The following FGF14 variants were observed in gnomAD, a reference collection of about 807,000 sequenced individuals.
FGF14 encodes the protein fibroblast growth factor 14, also known as fibroblast growth factor homologous factor 4.
FGF14 carries 5 observed loss-of-function variants against 25.5 expected under a neutral mutation model. The ratio of observed to expected loss-of-function variants is 0.20; its 90% confidence interval spans 0.10 to 0.41. The LOEUF is 0.41. FGF14 is among the 10% of genes least tolerant of loss of function. FGF14 has a pLI of 1.00. For missense variants in FGF14, 222 were observed against 320.1 expected (o/e 0.69, Z 2.34); for synonymous variants, 138 against 118.3 (o/e 1.17, Z -1.08).
At chr13:102,281,958 T>C (rs1461619963) in intron 1 of FGF14, among the ~76,000 whole-genome samples, 1 of 152,096 alleles carries the variant, frequency 6.6e-6, no homozygotes, top group African/African-American at 2.4e-5. Context: ...AAATCATATG[T>C]CCGTACTGCA....
chr13:102,223,816 T>C (rs2140966426), intron 1 of FGF14, among the ~76,000 whole-genome samples: 1 of 152,306 alleles, frequency 6.6e-6, no homozygotes, highest in Admixed American at 6.5e-5. Context: ...TGAGCTATTG[T>C]CATGCCACTG....
In FGF14 at chr13:102,140,055, C is replaced by A. The variant is rs558085366; in HGVS notation, c.208+261416G>T. On this transcript the variant is annotated intron_variant, in intron 1 of 4. Transcript: ENST00000376131. ...CAAACTCTTCAAGACCCCCCCCCCC[C>A]CTTACAGCAGTAAGTCATCCGTGTT... Among the ~76,000 whole-genome samples the A allele has an allele frequency of 4.1e-5, 6 of 146,102 alleles. No homozygotes were observed. The East Asian group carries it at 8.1e-4, about 20-fold the overall frequency.
At chr13:101,727,638 C>T (rs1362349495) in intron 3 of FGF14, among the ~76,000 whole-genome samples, 1 of 152,098 alleles carries the variant, frequency 6.6e-6, no homozygotes, top group East Asian at 1.9e-4. Context: ...TTTTTATATA[C>T]TTCTTACTTT....
intron 1 of FGF14, among the ~76,000 whole-genome samples, chr13:101,975,875 A>C (rs555125735): frequency 2.9e-4 from 44 of 152,334 alleles, no homozygotes; most frequent in African/African-American, 1.0e-3. Flanking sequence ...TGGACAAAGT[A>C]GAAAATATTA....
intron 1 of FGF14, among the ~76,000 whole-genome samples, chr13:102,045,617 T>C (rs906991290): frequency 2.0e-5 from 3 of 152,298 alleles, no homozygotes; most frequent in African/African-American, 7.2e-5. Flanking sequence ...ACATTGTACA[T>C]AGGGATCTTT....
chr13:101,875,872 A>G (rs970214426), intron 1 of FGF14, among the ~76,000 whole-genome samples: 14 of 152,220 alleles, frequency 9.2e-5, no homozygotes, highest in Non-Finnish European at 1.5e-4. Context: ...CCATGGAAGT[A>G]TCTGTGCTGC....
intron 1 of FGF14, among the ~76,000 whole-genome samples, chr13:101,875,637 C>A (rs2045348798): frequency 6.6e-6 from 1 of 152,000 alleles, no homozygotes; most frequent in South Asian, 2.1e-4. Context: ...TTCATGATGG[C>A]AGGACAAGAA....
At chr13:102,217,478 A>G (rs1389763248) in intron 1 of FGF14, among the ~76,000 whole-genome samples, 2 of 152,246 alleles carry the variant, frequency 1.3e-5, no homozygotes, top group African/African-American at 4.8e-5. Flanking sequence ...ATTTACTATT[A>G]GCTAAAAAAT....
chr13:101,944,639 T>C (rs917786435), intron 1 of FGF14, among the ~76,000 whole-genome samples: 3 of 152,064 alleles, frequency 2.0e-5, no homozygotes, highest in African/African-American at 7.2e-5. Flanking sequence ...GCAACCCAAA[T>C]GTCCATAAAA....
At chr13:102,387,534 T>C (rs2139209715) in intron 1 of FGF14, among the ~76,000 whole-genome samples, 1 of 152,316 alleles carries the variant, frequency 6.6e-6, no homozygotes, top group Admixed American at 6.5e-5. Flanking sequence ...TCAGTCCTTC[T>C]TAGTTGCAGG....
At chr13:102,105,989 T>C (rs957417532) in intron 1 of FGF14, among the ~76,000 whole-genome samples, 1 of 152,218 alleles carries the variant, frequency 6.6e-6, no homozygotes, top group Non-Finnish European at 1.5e-5. Flanking sequence ...GATTACAGAC[T>C]GTAATAAATA....
Position 101,713,635 on chromosome 13 carries a change from G to GCTCA in FGF14, c.*9195_*9196insTGAG, listed in dbSNP as rs1226027596. 1.3e-5 allele frequency: 2 copies of GCTCA among 152,088 alleles called. No homozygotes were observed. The highest frequency in any genetic ancestry group is 2.9e-5 in the Non-Finnish European group (2 of 68,006). The allele number at this position is 152,088 out of a possible 1,614,324, so 9.4% of individuals were successfully genotyped here. ...TCATGGAAAGCTGTTTAGACTGAGA[G>GCTCA]AACTTCTGTCTTGGATACCATTCAT... On this transcript the variant is annotated 3_prime_UTR_variant, in exon 5 of 5. Coordinates refer to ENST00000376143, the MANE Select transcript of FGF14 (RefSeq NM_004115.4).
intron 1 of FGF14, among the ~76,000 whole-genome samples, chr13:101,952,388 C>T (rs1380576942): frequency 6.7e-6 from 1 of 150,100 alleles, no homozygotes; most frequent in Non-Finnish European, 1.5e-5. Flanking sequence ...GTCTTCATAA[C>T]TGCTTCTTTG....
At chr13:101,989,249 A>G (rs773131778) in intron 1 of FGF14, among the ~76,000 whole-genome samples, 1 of 152,092 alleles carries the variant, frequency 6.6e-6, no homozygotes, top group Non-Finnish European at 1.5e-5. Flanking sequence ...TTACTTTTTA[A>G]ATTATAAAAA....
At chr13:102,122,232 T>C (rs954688544) in intron 1 of FGF14, among the ~76,000 whole-genome samples, 1 of 152,234 alleles carries the variant, frequency 6.6e-6, no homozygotes. Context: ...TATATGAGGC[T>C]GGTATTTTTA....
chr13:102,207,271 C>T (rs2049967869), intron 1 of FGF14, among the ~76,000 whole-genome samples: 1 of 151,548 alleles, frequency 6.6e-6, no homozygotes, highest in African/African-American at 2.4e-5. Flanking sequence ...TACAGTGAGA[C>T]TCCATCTCGA....
chr13:101,916,511 C>G lies in FGF14; in HGVS notation c.135G>C (p.Val45=). ...KNRGLCNGNL[V]DIFSKVRIFG... Reference sequence around the variant, plus strand: ...AGATGCGCACTTTGGAGAAGATATCCACCAGGTTGCCGTTGCAGAGCCCGC... The same window carrying G: ...AGATGCGCACTTTGGAGAAGATATCGACCAGGTTGCCGTTGCAGAGCCCGC... Residue 45 remains valine, a synonymous_variant, in exon 1 of 5, where the codon GTG becomes GTC. Coordinates refer to ENST00000376143, the MANE Select transcript of FGF14 (RefSeq NM_004115.4). 6.2e-7 allele frequency: 1 copy of G among 1,613,910 alleles called. No individual in the cohort carries two copies. The highest frequency in any genetic ancestry group is 8.5e-7 in the Non-Finnish European group (1 of 1,179,950).
At position 101,881,667 on chromosome 13, in the gene FGF14, A is replaced by T. The variant is rs7331198; in HGVS notation, c.194-6371T>A. On this transcript the variant is annotated intron_variant, in intron 1 of 4. Transcript: ENST00000376143. Reference sequence around the variant, plus strand: ...ATCACATCTAGAAAAAGCTTTCCTGATTCTATATTGTGCCAGGAATTCCTG... The same window carrying T: ...ATCACATCTAGAAAAAGCTTTCCTGTTTCTATATTGTGCCAGGAATTCCTG... Among the ~76,000 whole-genome samples, 458 of 152,226 alleles carry T rather than the reference A, an allele frequency of 3.0e-3. 3 individuals are homozygous for T. Among genetic ancestry groups the T allele is most frequent in the African/African-American group, 0.01 (435 of 41,550 alleles).
At chr13:102,205,440 TTAAC>T (rs2049861138) in intron 1 of FGF14, among the ~76,000 whole-genome samples, 1 of 152,026 alleles carries the variant, frequency 6.6e-6, no homozygotes, top group African/African-American at 2.4e-5. Context: ...AACAAAGCAT[TTAAC>T]TAAAGTACTG....
Sources: allele counts gnomAD v4.1 joint callset (sites outside exome capture counted in the v4.1 genomes callset), GRCh38; gene constraint gnomAD v4.1.1; transcripts MANE v1.5; gene names NCBI Gene and HGNC (gene_info 2026-07-23, HGNC 2026-07-21).